Variants in EPDR1 observed in about 807,000 individuals in gnomAD.
The protein encoded by EPDR1 is ependymin related 1.
In EPDR1, 27 loss-of-function variants were observed where a neutral mutation model predicts 23.7. That is an observed-to-expected ratio of 1.14 (90% confidence interval 0.84 to 1.57). EPDR1 has a LOEUF of 1.57. EPDR1 is among the 40% of genes most tolerant of loss of function. EPDR1 has a pLI of 0.00. For missense variants in EPDR1, 349 were observed against 290.4 expected (o/e 1.20, Z -1.47); for synonymous variants, 137 against 118.2 (o/e 1.16, Z -1.03).
intron 1 of EPDR1, among the ~76,000 whole-genome samples, chr7:37,947,555 T>TC (rs1371997070): frequency 6.6e-6 from 1 of 152,220 alleles, no homozygotes; most frequent in Non-Finnish European, 1.5e-5. Context: ...CCCTGAAGTC[T>TC]CCTCTAGTGC....
intron 1 of EPDR1, among the ~76,000 whole-genome samples, chr7:37,948,136 C>T (rs1444130906): frequency 6.6e-6 from 1 of 152,110 alleles, no homozygotes; most frequent in African/African-American, 2.4e-5. Flanking sequence ...CAGTATACCC[C>T]CATAATTCCT....
chr7:37,940,005 A>G (rs1012117307), intron 1 of EPDR1, among the ~76,000 whole-genome samples: 1 of 152,200 alleles, frequency 6.6e-6, no homozygotes, highest in African/African-American at 2.4e-5. Flanking sequence ...TATTTTTGTT[A>G]ATATCAAAGG....
chr7:37,949,753 A>G (rs1786358144), intron 2 of EPDR1, among the ~76,000 whole-genome samples: 1 of 152,376 alleles, frequency 6.6e-6, no homozygotes, highest in African/African-American at 2.4e-5. Flanking sequence ...AAAATCTGGT[A>G]TAGTCATACA....
chr7:37,921,366 A>G, intron 1 of EPDR1, 158 bp downstream of exon 1: 1 of 1,413,308 alleles, frequency 7.1e-7, no homozygotes, highest in African/African-American at 1.5e-5. Context: ...TGGGGATAGC[A>G]TGGTCCGGGA....
At chr7:37,923,112 T>G (rs1234022749) in intron 1 of EPDR1, among the ~76,000 whole-genome samples, 1 of 151,646 alleles carries the variant, frequency 6.6e-6, no homozygotes, top group Non-Finnish European at 1.5e-5. Context: ...TACTGAGGAG[T>G]TTTAAACAGT....
Position 37,950,456 on chromosome 7 carries a change from T to C in EPDR1, c.*60T>C. The C allele has an allele frequency of 7.0e-7, 1 of 1,437,530 alleles. No individual in the cohort carries two copies. Among genetic ancestry groups the C allele is most frequent in the Non-Finnish European group, 9.4e-7 (1 of 1,059,972 alleles). 89.0% of individuals were successfully genotyped at this position (1,437,530 alleles called of 1,614,324 possible). On this transcript the variant is annotated 3_prime_UTR_variant, in exon 3 of 3. Coordinates refer to ENST00000199448, the MANE Select transcript of EPDR1 (RefSeq NM_017549.5). ...AGCCCCCTGCGGCCCCAGCTGGAGA[T>C]GGATATGAGACTAGTCAAGATGTGA...
chr7:37,934,152 A>G (rs1786001256), intron 1 of EPDR1, among the ~76,000 whole-genome samples: 1 of 151,870 alleles, frequency 6.6e-6, no homozygotes, highest in African/African-American at 2.4e-5. Context: ...AATTTTTTGT[A>G]TTTTTAGTAG....
rs953969554 is a variant in EPDR1, at chr7:37,921,826, G to A, written c.269+618G>A. Among the ~76,000 whole-genome samples the A allele has an allele frequency of 2.6e-5, 4 of 152,052 alleles. No individual in the cohort carries two copies. In the East Asian group the frequency reaches 5.8e-4, roughly 22 times the overall value. Reference sequence around the variant, plus strand: ...TACATACTATGATCAAAAGCCATACGTTATCTGAATCTTTTTTTAACTTAA... The same window carrying A: ...TACATACTATGATCAAAAGCCATACATTATCTGAATCTTTTTTTAACTTAA... On this transcript the variant is annotated intron_variant, in intron 1 of 2. Transcript: ENST00000199448.
rs370812194 is a variant in EPDR1, at chr7:37,920,702, C to A, written c.-238C>A. ...CAGTGGCAGCAGGCAGTGGCCCAGG[C>A]AGAAATAGCTCCCGCGCGATTCACT... is the stretch of plus-strand genomic sequence containing the variant. On this transcript the variant is annotated 5_prime_UTR_variant, in exon 1 of 3. Coordinates refer to ENST00000199448, the MANE Select transcript of EPDR1 (RefSeq NM_017549.5). The A allele has an allele frequency of 1.5e-5, 24 of 1,604,328 alleles. No homozygotes were observed. Among genetic ancestry groups the A allele is most frequent in the Non-Finnish European group, 2.0e-5 (24 of 1,174,302 alleles).
At chr7:37,924,095 G>A (rs1197985712) in intron 1 of EPDR1, among the ~76,000 whole-genome samples, 2 of 152,222 alleles carry the variant, frequency 1.3e-5, no homozygotes, top group Non-Finnish European at 2.9e-5. Context: ...ACTTCAATGA[G>A]TCTTATTGCT....
chr7:37,948,868 G>A lies in EPDR1; in HGVS notation c.298G>A (p.Asp100Asn), dbSNP rs1293184626. 6.2e-7 allele frequency: 1 copy of A among 1,613,964 alleles called. No individual in the cohort carries two copies. Among genetic ancestry groups the A allele is most frequent in the South Asian group, 1.1e-5 (1 of 91,064 alleles). ...RLFEYILLYK[D>N]GVMFQIDQAT... is the part of the protein sequence containing the mutation. ...ATTTGAATATATTTTGCTGTATAAG[G>A]ATGGAGTGATGTTTCAGATTGACCA... Residue 100 changes from aspartate (D) to asparagine (N), a missense_variant, in exon 2 of 3, where the codon GAT (aspartate) becomes AAT (asparagine). Coordinates refer to ENST00000199448, the MANE Select transcript of EPDR1 (RefSeq NM_017549.5).
Position 37,920,841 on chromosome 7 carries a change from C to T in EPDR1, c.-99C>T, listed in dbSNP as rs372340952. 1.1e-5 allele frequency: 17 copies of T among 1,610,454 alleles called. No individual in the cohort carries two copies. The African/African-American group carries it at 1.7e-4, about 16-fold the overall frequency. On this transcript the variant is annotated 5_prime_UTR_variant, in exon 1 of 3. Coordinates refer to ENST00000199448, the MANE Select transcript of EPDR1 (RefSeq NM_017549.5). Reference sequence around the variant, plus strand: ...ACTTTGGTCCAGACCACACTCCCGGCACAGTGCGGAAAGAGCCGGCGGGAG... The same window carrying T: ...ACTTTGGTCCAGACCACACTCCCGGTACAGTGCGGAAAGAGCCGGCGGGAG...
intron 1 of EPDR1, among the ~76,000 whole-genome samples, chr7:37,937,293 A>T (rs542916143): frequency 6.6e-6 from 1 of 152,250 alleles, no homozygotes; most frequent in Admixed American, 6.5e-5. Flanking sequence ...CACAGTTATG[A>T]TAGAAAACAT....
At chr7:37,947,991 C>T (rs1786312617) in intron 1 of EPDR1, among the ~76,000 whole-genome samples, 1 of 152,246 alleles carries the variant, frequency 6.6e-6, no homozygotes, top group African/African-American at 2.4e-5. Context: ...TCAGCCACTG[C>T]AGGGTATGTG....
intron 1 of EPDR1, among the ~76,000 whole-genome samples, chr7:37,947,163 C>A (rs1022372428): frequency 6.6e-6 from 1 of 152,216 alleles, no homozygotes; most frequent in South Asian, 2.1e-4. Flanking sequence ...GTACCCTATA[C>A]ATGCGTACCA....
intron 1 of EPDR1, chr7:37,926,691 A>G (rs561213698): frequency 6.1e-4 from 279 of 454,532 alleles, no homozygotes; most frequent in Middle Eastern, 9.8e-4. Context: ...TTTGGCAGGA[A>G]TATCAGGGAT....
chr7:37,944,811 A>G (rs1441987780), intron 1 of EPDR1, among the ~76,000 whole-genome samples: 2 of 152,192 alleles, frequency 1.3e-5, no homozygotes, highest in Non-Finnish European at 2.9e-5. Context: ...CACTTCTGTG[A>G]TCCTGTGGAT....
intron 1 of EPDR1, among the ~76,000 whole-genome samples, chr7:37,922,419 C>T: frequency 6.6e-6 from 1 of 152,116 alleles, no homozygotes. Flanking sequence ...CGAAGTCTTT[C>T]AAGAACATGA....
chr7:37,939,955 C>G (rs545067226), intron 1 of EPDR1, among the ~76,000 whole-genome samples: 3 of 152,210 alleles, frequency 2.0e-5, no homozygotes, highest in Non-Finnish European at 2.9e-5. Flanking sequence ...AATAATTTAC[C>G]CTAAACATAC....
Sources: allele counts gnomAD v4.1 joint callset (sites outside exome capture counted in the v4.1 genomes callset), GRCh38; gene constraint gnomAD v4.1.1; transcripts MANE v1.5; gene names NCBI Gene and HGNC (gene_info 2026-07-23, HGNC 2026-07-21).